Variants in DHX37 observed in about 807,000 individuals in gnomAD.
DHX37 encodes DEAH-box helicase 37.
DHX37 carries 52 observed loss-of-function variants against 134.3 expected under a neutral mutation model. The ratio of observed to expected loss-of-function variants is 0.39; its 90% CI spans 0.31 to 0.49. The LOEUF is 0.49. DHX37 is among the 20% of genes least tolerant of loss of function. DHX37 has a pLI of 0.93. For missense variants in DHX37, 1,344 were observed against 1,580.8 expected, an observed-to-expected ratio of 0.85 and a Z score of 2.54; for synonymous variants, 634 against 670.7, an observed-to-expected ratio of 0.95 and a Z score of 0.85.
Position 124,949,974 on chromosome 12 carries a change from C to T in DHX37, c.3290+12G>A, listed in dbSNP as rs376389189. Reference sequence around the variant, plus strand: ...CTCCTGCCCACTGCGAGGCTCCCACCGAAGGCAGTACCTGGCCCACGTCTT... The same window carrying T: ...CTCCTGCCCACTGCGAGGCTCCCACTGAAGGCAGTACCTGGCCCACGTCTT... On this transcript the variant is annotated intron_variant, in intron 25 of 26. Coordinates refer to ENST00000308736, the MANE Select transcript of DHX37 (RefSeq NM_032656.4). The surrounding 1 kb of genome is among the most constrained non-coding windows in gnomAD (Gnocchi z 4.0). 5 of 1,603,264 alleles carry T rather than the reference C, an allele frequency of 3.1e-6. No homozygotes were observed. Among genetic ancestry groups the T allele is most frequent in the South Asian group, 1.1e-5 (1 of 89,670 alleles).
chr12:124,969,118 G>A, intron 8 of DHX37, 150 bp from the exon 9 acceptor site: 1 of 738,386 alleles, frequency 1.4e-6, no homozygotes, highest in Non-Finnish European at 2.2e-6. Context: ...CTTGGAGAAA[G>A]TGAGTCAATA....
At chr12:124,958,662 T>C (rs1954154894) in intron 16 of DHX37, among the ~76,000 whole-genome samples, 1 of 152,150 alleles carries the variant, frequency 6.6e-6, no homozygotes, top group South Asian at 2.1e-4. Flanking sequence ...AGTCTTGCTA[T>C]ATCGCCCAGG....
chr12:124,976,021 C>T (rs932278451), intron 5 of DHX37, among the ~76,000 whole-genome samples: 2 of 152,198 alleles, frequency 1.3e-5, no homozygotes, highest in Non-Finnish European at 2.9e-5. Flanking sequence ...TGGTTTATGC[C>T]GGACACCTGC....
In DHX37 at chr12:124,961,208, GTGCA is replaced by G. The variant is rs1299304053; in HGVS notation, c.2046-789_2046-786del. 5.9e-5 allele frequency among the ~76,000 whole-genome samples: 6 copies of G among 102,186 alleles called. No homozygotes were observed. In the East Asian group the frequency reaches 2.5e-3, roughly 43 times the overall value. 67.0% of individuals were successfully genotyped at this position (102,186 alleles called of 152,430 possible). ...CGCACGCACACACACACATACACGT[GTGCA>G]CGCACGCACACGCACGCACACACAC... On this transcript the variant is annotated intron_variant, in intron 15 of 26. Transcript: ENST00000308736.
At chr12:124,972,693 G>A (rs1954545970) in intron 6 of DHX37, 94 bp from the exon 7 acceptor site, 7 of 1,269,614 alleles carry the variant, frequency 5.5e-6, no homozygotes, top group Non-Finnish European at 8.0e-6. Flanking sequence ...GCAGGCAGGC[G>A]GCTTGAGGGC....
chr12:124,982,548 T>C lies in DHX37; in HGVS notation c.352A>G (p.Lys118Glu), dbSNP rs753462646. Reference protein sequence around the residue: ...AEMRLFYTTSKLGTGNRMYHT... With the variant: ...AEMRLFYTTSELGTGNRMYHT... ...TACATGCGGTTCCCAGTGCCTAGCT[T>C]GGAAGTGGTATAAAAGAGTCTCATC... The change falls in exon 3 of 27, where the codon AAG becomes GAG. Residue 118 changes from lysine (K) to glutamate (E), a missense_variant. This residue lies in a region of DHX37 where 319 missense variants were observed against 296.1 expected (regional missense o/e 1.08). Coordinates refer to ENST00000308736, the MANE Select transcript of DHX37 (RefSeq NM_032656.4). 1.2e-6 allele frequency: 2 copies of C among 1,613,774 alleles called. No individual in the cohort carries two copies. Among genetic ancestry groups the C allele is most frequent in the Admixed American group, 3.3e-5 (2 of 60,010 alleles).
In DHX37 at chr12:124,964,922, ACG is replaced by A. The variant is rs1410940553; in HGVS notation, c.1812+6_1812+7del. ...CCCAAAAGCTGGGCACCGGCCCAGC[ACG>A]GTTACCTGTGCTTGCTTCTCTGGGG... is the stretch of plus-strand genomic sequence containing the variant. On this transcript the variant is annotated splice_donor_region_variant and intron_variant, in intron 14 of 26. Transcript: ENST00000308736. 4.4e-6 allele frequency: 7 copies of A among 1,585,920 alleles called. No homozygotes were observed. The highest frequency in any genetic ancestry group is 6.0e-6 in the Non-Finnish European group (7 of 1,167,580).
intron 25 of DHX37, chr12:124,948,566 G>T (rs1953915819): frequency 3.9e-6 from 1 of 256,198 alleles, no homozygotes; most frequent in Non-Finnish European, 7.7e-6. Context: ...GGCTAACATG[G>T]TGAAACCCTA....
chr12:124,966,800 C>A lies in DHX37; in HGVS notation c.1583G>T (p.Arg528Leu). The change falls in exon 12 of 27, where the codon CGG becomes CTG. Residue 528 changes from arginine (R) to leucine (L), a missense_variant. Transcript: ENST00000308736. ...KKSRARAKKA[R>L]AEVLPQINLD... ...TGCCAGCCCCCCACGTACCTCAGCC[C>A]GCGCCTTCTTGGCCCTGGCCCTTGA... 1 of 1,614,236 alleles carries A rather than the reference C, an allele frequency of 6.2e-7. No individual in the cohort carries two copies. Among genetic ancestry groups the A allele is most frequent in the Non-Finnish European group, 8.5e-7 (1 of 1,180,028 alleles).
chr12:124,959,144 G>A (rs1954171894), intron 16 of DHX37, among the ~76,000 whole-genome samples: 1 of 149,498 alleles, frequency 6.7e-6, no homozygotes, highest in Admixed American at 6.6e-5. Flanking sequence ...CACAATCTCG[G>A]CCCATTGCAA....
chr12:124,985,985 T>G, intron 2 of DHX37, 111 bp downstream of exon 2: 1 of 1,391,070 alleles, frequency 7.2e-7, no homozygotes, highest in Middle Eastern at 2.6e-4. Flanking sequence ...TTTTCCTCAT[T>G]CCAGAAAGTT....
At chr12:124,968,433 G>C in intron 10 of DHX37, 101 bp downstream of exon 10, 4 of 1,550,302 alleles carry the variant, frequency 2.6e-6, no homozygotes, top group Non-Finnish European at 2.6e-6. Context: ...AGGGTCAAGG[G>C]ACTTTTCTGA....
chr12:124,981,076 G>A (rs900973875), intron 3 of DHX37, among the ~76,000 whole-genome samples: 2 of 151,966 alleles, frequency 1.3e-5, no homozygotes, highest in East Asian at 1.9e-4. Flanking sequence ...CCTCCACCTC[G>A]CTCTTCCCTG....
chr12:124,982,980 G>T (rs1422123206), intron 2 of DHX37, among the ~76,000 whole-genome samples: 2 of 152,202 alleles, frequency 1.3e-5, no homozygotes, highest in African/African-American at 4.8e-5. Context: ...TTGTGTGTCT[G>T]ATGTGAATTG....
At position 124,980,841 on chromosome 12, in the gene DHX37, G is replaced by A. The variant is rs1420281208; in HGVS notation, c.390-3C>T. The A allele has an allele frequency of 6.5e-7, 1 of 1,548,802 alleles. No homozygotes were observed. Among genetic ancestry groups the A allele is most frequent in the Non-Finnish European group, 8.7e-7 (1 of 1,150,852 alleles). ...GGGCTACCACCTCGTCAGCCTTCCT[G>A]TTGAGATAGCAGAGACTTCAGGCAC... is the stretch of plus-strand genomic sequence containing the variant. On this transcript the variant is annotated splice_region_variant and splice_polypyrimidine_tract_variant and intron_variant, in intron 3 of 26. Transcript: ENST00000308736. This position sits in a 1 kb window ranked among gnomAD's most constrained non-coding sequence, Gnocchi z 5.3.
chr12:124,976,476 T>C (rs1400199952), intron 5 of DHX37, among the ~76,000 whole-genome samples: 2 of 146,350 alleles, frequency 1.4e-5, no homozygotes, highest in African/African-American at 5.1e-5. Context: ...CTTTGGGAGG[T>C]CGAGGTGGGT....
At chr12:124,967,476 C>T (rs570717203) in intron 10 of DHX37, among the ~76,000 whole-genome samples, 4 of 152,202 alleles carry the variant, frequency 2.6e-5, no homozygotes, top group Non-Finnish European at 5.9e-5. Context: ...GAGAAGCGTG[C>T]TCACACGGAA....
chr12:124,959,884 G>A (rs1259626399), intron 16 of DHX37, among the ~76,000 whole-genome samples: 1 of 152,138 alleles, frequency 6.6e-6, no homozygotes, highest in Non-Finnish European at 1.5e-5. Flanking sequence ...GGATCTGAAC[G>A]CCCACAGGAC....
At position 124,964,599 on chromosome 12, in the gene DHX37, G is replaced by A. The variant is rs1954339651; in HGVS notation, c.1840C>T (p.Arg614Trp). 4 of 1,612,808 alleles carry A rather than the reference G, an allele frequency of 2.5e-6. No homozygotes were observed. The highest frequency in any genetic ancestry group is 3.4e-6 in the Non-Finnish European group (4 of 1,179,580). ...ACATTGGTGGCCACAACACACAACC[G>A]AGTCCCCTCCGGTGGAGGCTTAAAG... The part of the protein sequence containing the change: ...QVFKPPPEGT[R>W]LCVVATNVAE... Residue 614 changes from arginine (R) to tryptophan (W), a missense_variant, in exon 15 of 27, where the codon CGG (arginine) becomes TGG (tryptophan). Arg to Trp is a moderately radical substitution (Grantham distance 101, BLOSUM62 -3). This residue lies in a region of DHX37 where 289 missense variants were observed against 323.8 expected (regional missense o/e 0.89). Transcript: ENST00000308736.
Sources: gnomAD v4.1 joint callset for allele counts (sites outside exome capture counted in the v4.1 genomes callset) on GRCh38, gnomAD v4.1.1 for gene constraint, gnomAD v4.1.1 regional missense constraint, Gnocchi (gnomAD v3.1) non-coding constraint, MANE v1.5 for transcripts, NCBI Gene and HGNC (gene_info 2026-07-23, HGNC 2026-07-21) for gene names.